Variants in DPP6 observed in about 807,000 individuals in gnomAD.
DPP6 encodes the protein dipeptidyl peptidase like 6, also known as A-type potassium channel modulatory protein DPP6.
In DPP6, 69 loss-of-function variants were observed where a neutral mutation model predicts 122.6. The observed-to-expected ratio is 0.56, with a 90% CI of 0.46 to 0.69. The LOEUF is 0.69. Among genes scored for constraint, DPP6 ranks in the 30% least tolerant of loss-of-function variants. DPP6 has a pLI of 0.00. For missense variants in DPP6, 928 were observed against 1,116.9 expected, an observed-to-expected ratio of 0.83 and a Z score of 2.41; for synonymous variants, 418 against 433.1, an observed-to-expected ratio of 0.97 and a Z score of 0.43.
chr7:154,280,749 C>T (rs1461097838), intron 1 of DPP6, among the ~76,000 whole-genome samples: 1 of 152,102 alleles, frequency 6.6e-6, no homozygotes, highest in East Asian at 1.9e-4. Flanking sequence ...TTTCTTCTAC[C>T]AATAACGCAG....
Position 154,403,080 on chromosome 7 carries a change from C to T in DPP6, c.244-43134C>T, listed in dbSNP as rs369048349. On this transcript the variant is annotated intron_variant, in intron 1 of 25. Transcript: ENST00000377770. This position sits in a 1 kb window ranked among gnomAD's most constrained non-coding sequence, Gnocchi z 4.1. ...TTATTTATATGACTGTGTCAGGTAC[C>T]TGCCTGAAAATGCTCAACACTGTCC... Among the ~76,000 whole-genome samples, 25 of 152,298 alleles carry T rather than the reference C, an allele frequency of 1.6e-4. No individual in the cohort carries two copies. The highest frequency in any genetic ancestry group is 5.5e-4 in the African/African-American group (23 of 41,584).
At chr7:154,010,129 T>A (rs1798092278) in intron 1 of DPP6, among the ~76,000 whole-genome samples, 1 of 152,162 alleles carries the variant, frequency 6.6e-6, no homozygotes, top group Non-Finnish European at 1.5e-5. Context: ...AGGAGGCCCA[T>A]CCGACTTAGC....
chr7:154,321,497 T>C (rs1315335316), intron 1 of DPP6, among the ~76,000 whole-genome samples: 1 of 151,898 alleles, frequency 6.6e-6, no homozygotes, highest in East Asian at 1.9e-4. Context: ...AAATTGATGA[T>C]GGCGGCCAGG....
chr7:154,227,500 A>G (rs928870227), intron 1 of DPP6, among the ~76,000 whole-genome samples: 13 of 152,204 alleles, frequency 8.5e-5, no homozygotes, highest in African/African-American at 2.7e-4. Flanking sequence ...AACATTGTGA[A>G]TATAGTTAAC....
intron 1 of DPP6, among the ~76,000 whole-genome samples, chr7:154,379,516 TA>T (rs1321121292): frequency 1.3e-5 from 2 of 152,032 alleles, no homozygotes; most frequent in Non-Finnish European, 1.5e-5. Context: ...AATAATTTTT[TA>T]AAAAAAGAAT....
At chr7:154,079,348 A>G (rs1183804945) in intron 1 of DPP6, among the ~76,000 whole-genome samples, 1 of 151,952 alleles carries the variant, frequency 6.6e-6, no homozygotes, top group South Asian at 2.1e-4. Flanking sequence ...TTTGTAAAAA[A>G]AGACACATCA....
At chr7:154,227,125 C>T (rs1310806829) in intron 1 of DPP6, among the ~76,000 whole-genome samples, 1 of 151,560 alleles carries the variant, frequency 6.6e-6, no homozygotes, top group Non-Finnish European at 1.5e-5. Context: ...TATCTGTACT[C>T]CTAGGTTTGC....
chr7:154,337,431 C>A (rs1435439709), intron 1 of DPP6, among the ~76,000 whole-genome samples: 1 of 152,188 alleles, frequency 6.6e-6, no homozygotes, highest in Non-Finnish European at 1.5e-5. Context: ...AGAAGAGCAG[C>A]ATTTGCCCAC....
Position 154,566,860 on chromosome 7 carries a change from A to C in DPP6, c.571A>C (p.Arg191=). Residue 191 remains arginine, a synonymous_variant, in exon 5 of 26, where the codon AGA becomes CGA. Transcript: ENST00000377770. ...GKKIESLRAI[R]YEISPDREYA... is the part of the protein sequence containing the mutation. ...CTTTTAGGAATCATTAAGAGCCATC[A>C]GATATGAAATATCTCCAGATAGAGA... The C allele has an allele frequency of 6.2e-7, 1 of 1,600,710 alleles. No homozygotes were observed. Among genetic ancestry groups the C allele is most frequent in the Non-Finnish European group, 8.5e-7 (1 of 1,170,480 alleles).
intron 1 of DPP6, among the ~76,000 whole-genome samples, chr7:154,091,142 C>A (rs1445272273): frequency 6.6e-6 from 1 of 151,332 alleles, no homozygotes; most frequent in African/African-American, 2.4e-5. Flanking sequence ...AAAATCAATT[C>A]TGTGCAATTC....
chr7:153,782,067 A>T, the DPP6 span, among the ~76,000 whole-genome samples: 1 of 150,162 alleles, frequency 6.7e-6, no homozygotes, highest in African/African-American at 2.5e-5. Context: ...TCACTGTGGT[A>T]GACACCATGG....
chr7:153,780,476 G>C, the DPP6 span, among the ~76,000 whole-genome samples: 1 of 152,032 alleles, frequency 6.6e-6, no homozygotes, highest in African/African-American at 2.4e-5. Flanking sequence ...GTTGGTGCCA[G>C]GTACACAAAC....
At chr7:154,200,774 A>C (rs1231696223) in intron 1 of DPP6, among the ~76,000 whole-genome samples, 1 of 152,180 alleles carries the variant, frequency 6.6e-6, no homozygotes, top group Non-Finnish European at 1.5e-5. Flanking sequence ...ACGGAAATGC[A>C]AGGTAGCAAA....
intron 1 of DPP6, among the ~76,000 whole-genome samples, chr7:154,189,267 T>C (rs751990382): frequency 3.9e-5 from 6 of 152,208 alleles, no homozygotes; most frequent in Non-Finnish European, 8.8e-5. Flanking sequence ...AAATCAGAAT[T>C]TGAATTTGTA....
chr7:154,779,060 A>AACTACCC (rs1796821349), intron 10 of DPP6, among the ~76,000 whole-genome samples: 2 of 2,202 alleles, frequency 9.1e-4, no homozygotes, highest in East Asian at 0.014. Flanking sequence ...CCCCACCATC[A>AACTACCC]CCACCATCAC....
chr7:153,975,888 A>G (rs2129035645), intron 1 of DPP6, among the ~76,000 whole-genome samples: 1 of 152,372 alleles, frequency 6.6e-6, no homozygotes, highest in East Asian at 1.9e-4. Context: ...TCTTAGCCTC[A>G]GTCTTTCCAT....
At chr7:154,309,692 A>G (rs1036671733) in intron 1 of DPP6, among the ~76,000 whole-genome samples, 1 of 152,218 alleles carries the variant, frequency 6.6e-6, no homozygotes, top group Non-Finnish European at 1.5e-5. Context: ...AGACATCCGT[A>G]TTTAAGATAA....
At chr7:154,709,688 T>C (rs1337490594) in intron 7 of DPP6, among the ~76,000 whole-genome samples, 1 of 151,978 alleles carries the variant, frequency 6.6e-6, no homozygotes, top group African/African-American at 2.4e-5. Flanking sequence ...GCCAGACTGA[T>C]TCTATGATCT....
intron 1 of DPP6, among the ~76,000 whole-genome samples, chr7:153,889,584 T>G (rs2128992738): frequency 6.6e-6 from 1 of 152,300 alleles, no homozygotes; most frequent in South Asian, 2.1e-4. Context: ...TTAGAAACCT[T>G]ATGGTCTTTG....
Sources: gnomAD v4.1 joint callset for allele counts (sites outside exome capture counted in the v4.1 genomes callset) on GRCh38, gnomAD v4.1.1 for gene constraint, Gnocchi (gnomAD v3.1) non-coding constraint, MANE v1.5 for transcripts, NCBI Gene and HGNC (gene_info 2026-07-23, HGNC 2026-07-21) for gene names.